Variants in QTMAN observed in about 807,000 individuals in gnomAD.
QTMAN encodes the protein tRNA-queuosine alpha-mannosyltransferase.
the QTMAN span, among the ~76,000 whole-genome samples, chr2:144,307,919 A>G: frequency 1.3e-5 from 2 of 152,216 alleles, no homozygotes; most frequent in Non-Finnish European, 2.9e-5. Context: ...AATCCACTGA[A>G]TTCACACAAT....
chr2:143,941,335 A>G, the QTMAN span: 1 of 152,266 alleles, frequency 6.6e-6, no homozygotes, highest in Non-Finnish European at 1.5e-5. Context: ...TACTCACTGA[A>G]TGCCTCCCTA....
chr2:144,049,932 A>C, the QTMAN span, among the ~76,000 whole-genome samples: 1 of 152,222 alleles, frequency 6.6e-6, no homozygotes, highest in South Asian at 2.1e-4. Context: ...GCACATAGTA[A>C]GTTTATAATT....
the QTMAN span, among the ~76,000 whole-genome samples, chr2:144,227,867 T>A: frequency 6.6e-6 from 1 of 152,216 alleles, no homozygotes; most frequent in East Asian, 1.9e-4. Flanking sequence ...ACACTCATTA[T>A]CTCACTCTAG....
At chr2:144,270,135 C>T in the QTMAN span, among the ~76,000 whole-genome samples, 1 of 151,980 alleles carries the variant, frequency 6.6e-6, no homozygotes, top group South Asian at 2.1e-4. Context: ...GTTGATTATC[C>T]AGTCAGTTAG....
chr2:144,289,221 G>A, the QTMAN span, among the ~76,000 whole-genome samples: 4 of 151,958 alleles, frequency 2.6e-5, no homozygotes, highest in East Asian at 1.9e-4. Context: ...TAATAGAGAC[G>A]GGGTTTCACT....
chr2:144,318,770 AT>A, the QTMAN span, among the ~76,000 whole-genome samples: 1 of 152,228 alleles, frequency 6.6e-6, no homozygotes, highest in Admixed American at 6.5e-5. Context: ...TATATGCTAT[AT>A]AAAAAGTAAT....
At chr2:144,313,841 A>T in the QTMAN span, among the ~76,000 whole-genome samples, 1 of 151,776 alleles carries the variant, frequency 6.6e-6, no homozygotes, top group Admixed American at 6.6e-5. Context: ...CATGAAGAAT[A>T]CTCCTACAGG....
chr2:144,013,608 A>G, the QTMAN span, among the ~76,000 whole-genome samples: 1 of 152,184 alleles, frequency 6.6e-6, no homozygotes, highest in Non-Finnish European at 1.5e-5. Flanking sequence ...CAAGGCTAAT[A>G]TGGATGACAG....
the QTMAN span, among the ~76,000 whole-genome samples, chr2:143,993,422 G>A: frequency 6.6e-6 from 1 of 151,954 alleles, no homozygotes; most frequent in Non-Finnish European, 1.5e-5. Context: ...AAAAGGGGGG[G>A]GGACTTTGCA....
chr2:144,289,087 G>A, the QTMAN span, among the ~76,000 whole-genome samples: 40 of 143,188 alleles, frequency 2.8e-4, no homozygotes, highest in East Asian at 3.1e-3. Flanking sequence ...AGTCTGGAGC[G>A]CAGTGGTGCG....
the QTMAN span, among the ~76,000 whole-genome samples, chr2:144,026,218 G>A: frequency 6.6e-6 from 1 of 152,124 alleles, no homozygotes; most frequent in Non-Finnish European, 1.5e-5. Flanking sequence ...TGAATCACCT[G>A]AGGTCAGGAG....
the QTMAN span, among the ~76,000 whole-genome samples, chr2:143,990,507 G>A: frequency 2.6e-5 from 4 of 152,172 alleles, no homozygotes; most frequent in Non-Finnish European, 5.9e-5. Context: ...CCAGGAGAAT[G>A]GGGCATCAGT....
the QTMAN span, among the ~76,000 whole-genome samples, chr2:144,093,817 A>G: frequency 6.1e-3 from 923 of 152,236 alleles, 15 homozygotes; most frequent in African/African-American, 0.021. Flanking sequence ...TCCATCCTTT[A>G]TATCCAGTAC....
At chr2:144,237,500 C>T in the QTMAN span, among the ~76,000 whole-genome samples, 36 of 152,252 alleles carry the variant, frequency 2.4e-4, 1 homozygote, top group East Asian at 3.1e-3. Flanking sequence ...AAATGAACAG[C>T]GTTTCGTTAT....
At chr2:144,010,070 A>T in the QTMAN span, among the ~76,000 whole-genome samples, 1 of 150,908 alleles carries the variant, frequency 6.6e-6, no homozygotes, top group South Asian at 2.1e-4. Context: ...ACCAAAAAAA[A>T]AAAAAAAAGA....
chr2:144,042,390 A>G, the QTMAN span, among the ~76,000 whole-genome samples: 7 of 152,250 alleles, frequency 4.6e-5, no homozygotes, highest in South Asian at 1.5e-3. Flanking sequence ...AAACAAAATA[A>G]AACAGAAAAC....
At chr2:144,309,949 G>A in the QTMAN span, among the ~76,000 whole-genome samples, 1 of 152,228 alleles carries the variant, frequency 6.6e-6, no homozygotes, top group African/African-American at 2.4e-5. Flanking sequence ...ACGACTCCAA[G>A]TCTGATGGCA....
chr2:144,104,731 T>C, the QTMAN span, among the ~76,000 whole-genome samples: 15 of 152,178 alleles, frequency 9.9e-5, no homozygotes, highest in African/African-American at 3.6e-4. Context: ...GACATAAATG[T>C]CCCTGTCTAA....
At chr2:144,094,299 G>A in the QTMAN span, among the ~76,000 whole-genome samples, 2 of 152,088 alleles carry the variant, frequency 1.3e-5, no homozygotes, top group Admixed American at 1.3e-4. Context: ...TTCAGATAAT[G>A]TAGCCTGATA....
Sources: allele counts gnomAD v4.1 joint callset (sites outside exome capture counted in the v4.1 genomes callset), GRCh38; gene constraint gnomAD v4.1.1; transcripts MANE v1.5; gene names NCBI Gene and HGNC (gene_info 2026-07-23, HGNC 2026-07-21).